MIA2: variants seen among roughly 807,000 people sequenced by gnomAD.
MIA2 encodes the protein melanoma inhibitory activity protein 2.
MIA2 carries 127 observed loss-of-function variants against 167.8 expected under a neutral mutation model. The ratio of observed to expected loss-of-function variants is 0.76; its 90% CI spans 0.66 to 0.88. The LOEUF is 0.88. Among genes scored for constraint, MIA2 ranks in the 40% least tolerant of loss-of-function variants. The pLI, the probability that MIA2 is intolerant of heterozygous loss-of-function variation, is 0.00. For synonymous variants in MIA2, 552 were observed against 541.9 expected (o/e 1.02, Z -0.26); for missense variants, 1,690 against 1,624.7 (o/e 1.04, Z -0.69).
chr14:39,237,198 A>ACAACTT, intron 2 of MIA2, 143 bp downstream of exon 2: 1 of 902,788 alleles, frequency 1.1e-6, no homozygotes, highest in Non-Finnish European at 1.7e-6. Flanking sequence ...ACAGCTCACT[A>ACAACTT]CAACTTCCAG....
chr14:39,315,653 CAGT>C, intron 20 of MIA2, 27 bp from the exon 21 acceptor site: 1 of 1,495,704 alleles, frequency 6.7e-7, no homozygotes, highest in Non-Finnish European at 9.2e-7. Flanking sequence ...AAATAATGGT[CAGT>C]AGCATTTTAA....
Position 39,308,655 on chromosome 14 carries a change from TTAGC to T in MIA2, c.3017+71_3017+74del, listed in dbSNP as rs1293294541. 2.5e-6 allele frequency: 3 copies of T among 1,190,566 alleles called. No individual in the cohort carries two copies. In the African/African-American group the frequency reaches 4.8e-5, roughly 19 times the overall value. 73.8% of individuals were successfully genotyped at this position (1,190,566 alleles called of 1,614,324 possible). A position where few individuals can be genotyped will look rare whatever the true frequency, so the allele number is the denominator to read the frequency against. The stretch of plus-strand genomic sequence containing the variant: ...AGCTTTAGAGATATATGTTACATAG[TTAGC>T]TATAGTGATTATTGAAAGTTCTCAA... On this transcript the variant is annotated intron_variant, in intron 18 of 28. Transcript: ENST00000640607.
chr14:39,262,010 T>C (rs1294827932), intron 6 of MIA2, among the ~76,000 whole-genome samples: 19 of 152,244 alleles, frequency 1.2e-4, no homozygotes, highest in East Asian at 1.2e-3. Flanking sequence ...TCCCATTTGT[T>C]AATTTTGGCT....
downstream of MIA2, among the ~76,000 whole-genome samples, chr14:39,355,438 T>G (rs996756150): frequency 3.3e-5 from 5 of 152,334 alleles, no homozygotes; most frequent in African/African-American, 1.2e-4. Flanking sequence ...CTTATCAGCT[T>G]AAGGAGATTT....
At chr14:39,248,801 A>G (rs1473381886) in intron 4 of MIA2, among the ~76,000 whole-genome samples, 1 of 151,250 alleles carries the variant, frequency 6.6e-6, no homozygotes, top group Non-Finnish European at 1.5e-5. Flanking sequence ...GTGCAGTGGC[A>G]TGATCTCAGG....
intron 9 of MIA2, among the ~76,000 whole-genome samples, chr14:39,284,489 T>G (rs932230516): frequency 3.9e-5 from 6 of 152,206 alleles, no homozygotes; most frequent in Non-Finnish European, 8.8e-5. Context: ...AGTCTGATGC[T>G]GCCAACTCTA....
chr14:39,374,329 A>C (rs183086166), intron 23 of MIA2, among the ~76,000 whole-genome samples: 2 of 152,328 alleles, frequency 1.3e-5, no homozygotes, highest in East Asian at 3.8e-4. Context: ...GGAAATTTGA[A>C]AGCAACCAGC....
At chr14:39,310,905 T>G (rs1048137603) in intron 18 of MIA2, among the ~76,000 whole-genome samples, 1 of 152,000 alleles carries the variant, frequency 6.6e-6, no homozygotes, top group Non-Finnish European at 1.5e-5. Context: ...AACTTCAGGG[T>G]TTTTCAGCCA....
chr14:39,252,653 A>G, intron 4 of MIA2, 95 bp from the exon 5 acceptor site: 1 of 850,158 alleles, frequency 1.2e-6, no homozygotes, highest in Non-Finnish European at 1.8e-6. Flanking sequence ...ATGACCTACA[A>G]AAGTTCAGAA....
intron 3 of MIA2, 23 bp from the exon 4 acceptor site, chr14:39,246,888 A>G: frequency 1.5e-6 from 2 of 1,298,838 alleles, no homozygotes; most frequent in South Asian, 3.1e-5. Context: ...CATGTTAATC[A>G]TATATATATT....
chr14:39,361,427 T>C (rs1298558481), intron 23 of MIA2, among the ~76,000 whole-genome samples: 1 of 135,452 alleles, frequency 7.4e-6, no homozygotes, highest in African/African-American at 2.8e-5. Flanking sequence ...CTAGGACTTT[T>C]AGGTGTGTGG....
chr14:39,268,580 T>C (rs1264850563), intron 6 of MIA2, among the ~76,000 whole-genome samples: 1 of 152,230 alleles, frequency 6.6e-6, no homozygotes, highest in Non-Finnish European at 1.5e-5. Context: ...TGGGCAATGA[T>C]GCTTGCCGGA....
intron 13 of MIA2, among the ~76,000 whole-genome samples, chr14:39,297,655 G>A (rs1055311989): frequency 1.7e-4 from 25 of 148,032 alleles, no homozygotes; most frequent in Non-Finnish European, 1.2e-4. Context: ...GAATGACCCT[G>A]TAGGGTTTTG....
Position 39,372,116 on chromosome 14 carries a change from A to C in MIA2, c.2249-14769A>C, listed in dbSNP as rs572748974. ...GCTGGACAGGGTAATCCTCATCTGAATGATGTGGAATAAATTTCTTATAAG... is the reference window on the plus strand; with the variant it reads ...GCTGGACAGGGTAATCCTCATCTGACTGATGTGGAATAAATTTCTTATAAG... On this transcript the variant is annotated intron_variant, in intron 23 of 23. Transcript: ENST00000341502. Among the ~76,000 whole-genome samples the C allele has an allele frequency of 7.0e-4, 106 of 152,256 alleles. 3 individuals are homozygous for C. The South Asian group carries it at 0.021, about 30-fold the overall frequency.
At chr14:39,293,958 T>C in intron 11 of MIA2, 42 bp from the exon 12 acceptor site, 2 of 1,496,620 alleles carry the variant, frequency 1.3e-6, no homozygotes, top group East Asian at 2.3e-5. Context: ...TTTTGGAAAC[T>C]AGAGTTTAGT....
At chr14:39,348,461 A>G (rs2073882379) in intron 27 of MIA2, among the ~76,000 whole-genome samples, 1 of 152,178 alleles carries the variant, frequency 6.6e-6, no homozygotes, top group South Asian at 2.1e-4. Context: ...ATACAATAGT[A>G]TATATTTTAG....
In MIA2 at chr14:39,246,861, A is replaced by C. The variant is rs202123866; in HGVS notation, c.337-50A>C. On this transcript the variant is annotated intron_variant, in intron 3 of 28. Coordinates refer to ENST00000640607, the MANE Select transcript of MIA2 (RefSeq NM_001329214.4). ...ATTTTAAATGACTCAGGGAGAAACAAGGAGCTCTAGTACATTCATGTTAAT... is the reference window on the plus strand; with the variant it reads ...ATTTTAAATGACTCAGGGAGAAACACGGAGCTCTAGTACATTCATGTTAAT... The C allele has an allele frequency of 1.0e-3, 1,048 of 1,032,390 alleles. 1 individual carries two copies. Among genetic ancestry groups the C allele is most frequent in the Non-Finnish European group, 1.2e-3 (884 of 727,672 alleles). 64.0% of individuals were successfully genotyped at this position (1,032,390 alleles called of 1,614,324 possible).
downstream of MIA2, among the ~76,000 whole-genome samples, chr14:39,354,903 C>A (rs1400353612): frequency 1.3e-5 from 2 of 152,040 alleles, no homozygotes; most frequent in Non-Finnish European, 2.9e-5. Flanking sequence ...GGGCTCTGTT[C>A]TGTTCCATTG....
chr14:39,357,896 C>T (rs1038803263), intron 23 of MIA2, among the ~76,000 whole-genome samples: 2 of 151,998 alleles, frequency 1.3e-5, no homozygotes, highest in Admixed American at 1.3e-4. Context: ...TCTCTTCTGG[C>T]TTGTAAAGAT....
Sources: allele counts gnomAD v4.1 joint callset (sites outside exome capture counted in the v4.1 genomes callset), GRCh38; gene constraint gnomAD v4.1.1; transcripts MANE v1.5; gene names NCBI Gene and HGNC (gene_info 2026-07-23, HGNC 2026-07-21).